The following AASDH variants were observed in gnomAD, a reference collection of about 807,000 sequenced individuals.
AASDH encodes the protein beta-alanine-activating enzyme.
AASDH carries 81 observed loss-of-function variants against 102.3 expected under a neutral mutation model. The observed-to-expected ratio is 0.79, with a 90% CI of 0.66 to 0.95. The LOEUF (loss-of-function observed/expected upper bound fraction) is 0.95. Among genes scored for constraint, AASDH ranks in the 40% least tolerant of loss-of-function variants. The probability of loss-of-function intolerance (pLI) is 0.00; values close to 1 mark genes in which losing one functional copy is unlikely to be tolerated. For synonymous variants in AASDH, 398 were observed against 454.0 expected (o/e 0.88, Z 1.57); for missense variants, 1,203 against 1,266.2 (o/e 0.95, Z 0.76).
At chr4:56,383,976 C>T in intron 2 of AASDH, 94 bp downstream of exon 2, 11 of 1,072,954 alleles carry the variant, frequency 1.0e-5, no homozygotes, top group Non-Finnish European at 1.4e-5. Flanking sequence ...TAGAAAAGTC[C>T]AATAGTAAAC....
intron 5 of AASDH, among the ~76,000 whole-genome samples, chr4:56,366,296 G>A (rs967981146): frequency 6.6e-6 from 1 of 152,192 alleles, no homozygotes; most frequent in African/African-American, 2.4e-5. Flanking sequence ...GAGGTACAAG[G>A]AGGAGCTGGT....
rs148495207 is a variant in AASDH, at chr4:56,384,161, T to G, written c.139A>C (p.Asn47His). The G allele has an allele frequency of 4.4e-5, 71 of 1,614,014 alleles. No homozygotes were observed. Among genetic ancestry groups the G allele is most frequent in the Non-Finnish European group, 5.5e-5 (65 of 1,180,038 alleles). ...AAGTCACAGTGTAACAGCAGAAAAT[T>G]TGATAATTCAGAAGCAGCATTAACC... ...TVVNAASELS[N>H]FLLLHCDFQG... Residue 47 changes from asparagine (N) to histidine (H), a missense_variant, in exon 2 of 15, where the codon AAT becomes CAT. Coordinates refer to ENST00000205214, the MANE Select transcript of AASDH (RefSeq NM_181806.4).
intron 5 of AASDH, among the ~76,000 whole-genome samples, chr4:56,363,076 A>G (rs1405853949): frequency 6.6e-6 from 1 of 152,250 alleles, no homozygotes; most frequent in African/African-American, 2.4e-5. Context: ...AGGAGATTAT[A>G]TCCTACACCT....
chr4:56,371,731 C>A, intron 4 of AASDH, 88 bp from the exon 5 acceptor site: 5 of 1,234,108 alleles, frequency 4.1e-6, no homozygotes, highest in Non-Finnish European at 4.3e-6. Context: ...TTATGATGAT[C>A]AAGTTTCTGA....
chr4:56,344,240 G>A (rs1438596605), intron 12 of AASDH, among the ~76,000 whole-genome samples: 1 of 152,114 alleles, frequency 6.6e-6, no homozygotes, highest in Non-Finnish European at 1.5e-5. Context: ...ATATGATATT[G>A]TTACCTATGG....
intron 5 of AASDH, among the ~76,000 whole-genome samples, chr4:56,365,526 A>G (rs1429571031): frequency 6.6e-6 from 1 of 152,126 alleles, no homozygotes; most frequent in African/African-American, 2.4e-5. Context: ...TGTCTCTCAG[A>G]CCACAGTGCA....
chr4:56,342,790 TATATATATAAAAA>T, intron 14 of AASDH, 32 bp downstream of exon 14: 1 of 761,404 alleles, frequency 1.3e-6, no homozygotes, highest in South Asian at 5.5e-5. Context: ...TATACATTTA[TATATATATAAAAA>T]TGTATATATA....
intron 14 of AASDH, among the ~76,000 whole-genome samples, chr4:56,339,668 T>C (rs13150159): frequency 0.49 from 73,706 of 149,754 alleles, 18,284 homozygotes; most frequent in East Asian, 0.52. Flanking sequence ...GGAGAACCAC[T>C]TGAACCTGGG....
At chr4:56,378,873 C>CTTTATTTTTTTA (rs1231169855) in intron 3 of AASDH, among the ~76,000 whole-genome samples, 66 of 138,542 alleles carry the variant, frequency 4.8e-4, no homozygotes, top group African/African-American at 1.7e-3. Flanking sequence ...GTGGTATAAT[C>CTTTATTTTTTTA]TTTATTTTTT....
chr4:56,345,435 TAAAGCAGAAACTG>T, intron 11 of AASDH, 145 bp from the exon 12 acceptor site: 2 of 724,968 alleles, frequency 2.8e-6, no homozygotes, highest in East Asian at 5.5e-5. Flanking sequence ...TTTAGCAATG[TAAAGCAGAAACTG>T]AATTAGTAAT....
intron 14 of AASDH, among the ~76,000 whole-genome samples, chr4:56,341,204 A>T (rs576577699): frequency 3.9e-5 from 6 of 152,284 alleles, no homozygotes; most frequent in Non-Finnish European, 8.8e-5. Flanking sequence ...CTGCACTCCC[A>T]TCTCCCATGT....
intron 2 of AASDH, among the ~76,000 whole-genome samples, chr4:56,383,344 T>C (rs1753190847): frequency 6.6e-6 from 1 of 152,182 alleles, no homozygotes; most frequent in Admixed American, 6.5e-5. Context: ...CTCGAACTCC[T>C]GGCCTTAAAT....
chr4:56,368,150 A>C (rs77075042), intron 5 of AASDH, among the ~76,000 whole-genome samples: 95,832 of 151,352 alleles, frequency 0.63, 30,377 homozygotes, highest in Admixed American at 0.71. Flanking sequence ...AGAGAAATGC[A>C]AATCAAAACC....
intron 3 of AASDH, 73 bp from the exon 4 acceptor site, chr4:56,378,537 T>C: frequency 8.1e-7 from 1 of 1,237,232 alleles, no homozygotes. Flanking sequence ...AGAAGTAATA[T>C]GAAATACAGT....
At chr4:56,363,178 GGGCGCCCACCATCGCCGA>G (rs1750530191) in intron 5 of AASDH, among the ~76,000 whole-genome samples, 1 of 152,194 alleles carries the variant, frequency 6.6e-6, no homozygotes, top group African/African-American at 2.4e-5. Context: ...GCTGGGGGAG[GGGCGCCCACCATCGCCGA>G]GGCTTGAGTA....
chr4:56,355,370 A>C lies in AASDH; in HGVS notation c.915T>G (p.Val305=). 6.2e-7 allele frequency: 1 copy of C among 1,614,114 alleles called. No homozygotes were observed. ...CTCGAAGAGAAGTAGTGGCTGACAA[A>C]ACAGTTGACTTGATAAGCTGAGATC... ...RFGSQLIKST[V]LSATTSLRVL... Residue 305 remains valine (V), a synonymous_variant, in exon 6 of 15, where the codon GTT becomes GTG. Coordinates refer to ENST00000205214, the MANE Select transcript of AASDH (RefSeq NM_181806.4).
intron 5 of AASDH, among the ~76,000 whole-genome samples, chr4:56,366,672 C>G (rs1412908275): frequency 6.7e-5 from 10 of 149,542 alleles, no homozygotes; most frequent in South Asian, 4.3e-4. Flanking sequence ...ATTCAACAAC[C>G]CTTCATGCTA....
intron 5 of AASDH, among the ~76,000 whole-genome samples, chr4:56,360,620 T>G (rs1437580867): frequency 6.6e-6 from 1 of 151,886 alleles, no homozygotes; most frequent in Non-Finnish European, 1.5e-5. Context: ...AAATGATTGT[T>G]TTTTTTTCCA....
intron 5 of AASDH, chr4:56,356,849 A>G (rs932443794): frequency 2.3e-6 from 2 of 875,934 alleles, no homozygotes; most frequent in Admixed American, 1.7e-5. Flanking sequence ...TGGGGCGGCA[A>G]TGTCCTGGCT....
Sources: gnomAD v4.1 joint callset for allele counts (sites outside exome capture counted in the v4.1 genomes callset) on GRCh38, gnomAD v4.1.1 for gene constraint, MANE v1.5 for transcripts, NCBI Gene and HGNC (gene_info 2026-07-23, HGNC 2026-07-21) for gene names.